The following MAGI2 variants were observed in gnomAD, a reference collection of about 807,000 sequenced individuals.
MAGI2 encodes membrane-associated guanylate kinase, WW and PDZ domain-containing protein 2.
In MAGI2, 35 loss-of-function variants were observed where a neutral mutation model predicts 133.3. The observed-to-expected ratio is 0.26, with a 90% CI of 0.20 to 0.35. The LOEUF (loss-of-function observed/expected upper bound fraction) is 0.35, where lower values mean the gene tolerates loss of function less well. MAGI2 is among the 10% of genes least tolerant of loss of function. MAGI2 has a pLI of 1.00. For synonymous variants in MAGI2, 729 were observed against 710.6 expected (o/e 1.03, Z -0.41); for missense variants, 1,636 against 1,863.4 (o/e 0.88, Z 2.25).
chr7:79,013,921 T>C (rs998770661), intron 1 of MAGI2, among the ~76,000 whole-genome samples: 5 of 152,204 alleles, frequency 3.3e-5, no homozygotes, highest in African/African-American at 4.8e-5. Context: ...TTTACTTACA[T>C]GACAATTTCT....
intron 7 of MAGI2, among the ~76,000 whole-genome samples, chr7:78,360,115 A>T (rs537211342): frequency 1.3e-5 from 2 of 152,310 alleles, no homozygotes; most frequent in East Asian, 3.9e-4. Flanking sequence ...TTCATTATTC[A>T]ATTATAGGAT....
chr7:78,728,846 TGAGCCACCGCGCCCGGCC>T, intron 2 of MAGI2, among the ~76,000 whole-genome samples: 1 of 124,486 alleles, frequency 8.0e-6, no homozygotes, highest in Non-Finnish European at 1.8e-5. Flanking sequence ...ATTACAGGCG[TGAGCCACCGCGCCCGGCC>T]CCATCTTTCT....
At chr7:79,292,813 G>T in intron 1 of MAGI2, among the ~76,000 whole-genome samples, 1 of 121,754 alleles carries the variant, frequency 8.2e-6, no homozygotes, top group South Asian at 2.7e-4. Context: ...CAGCTCCTCA[G>T]CTGTCATTTT....
At chr7:78,231,892 G>A (rs941045613) in intron 10 of MAGI2, among the ~76,000 whole-genome samples, 2 of 152,082 alleles carry the variant, frequency 1.3e-5, no homozygotes, top group African/African-American at 4.8e-5. Flanking sequence ...GTTCTTACAA[G>A]TATATTTTTA....
At chr7:79,301,168 T>C (rs1484439727) in intron 1 of MAGI2, among the ~76,000 whole-genome samples, 1 of 152,186 alleles carries the variant, frequency 6.6e-6, no homozygotes, top group Admixed American at 6.5e-5. Flanking sequence ...ACAGAGTTCC[T>C]ATTTAGGCAC....
At position 79,308,409 on chromosome 7, in the gene MAGI2, T is replaced by C. The variant is rs543429652; in HGVS notation, c.301+144611A>G. Among the ~76,000 whole-genome samples, 211 of 152,230 alleles carry C rather than the reference T, an allele frequency of 1.4e-3. 1 individual carries two copies. The highest frequency in any genetic ancestry group is 4.8e-3 in the African/African-American group (200 of 41,536). On this transcript the variant is annotated intron_variant, in intron 1 of 21. Coordinates refer to ENST00000354212, the MANE Select transcript of MAGI2 (RefSeq NM_012301.4). ...CCCAGGACAGTGCCCTCTGGTGCAA[T>C]CTTTGGCTATGGAAGCATGAGCGAG...
At chr7:78,326,742 CT>C (rs1220144902) in intron 9 of MAGI2, among the ~76,000 whole-genome samples, 1 of 152,172 alleles carries the variant, frequency 6.6e-6, no homozygotes, top group Non-Finnish European at 1.5e-5. Flanking sequence ...AGATTATTAA[CT>C]TTTAAGTAAC....
At chr7:79,215,807 C>G (rs1829982990) in intron 1 of MAGI2, among the ~76,000 whole-genome samples, 2 of 152,016 alleles carry the variant, frequency 1.3e-5, no homozygotes, top group Admixed American at 1.3e-4. Flanking sequence ...CCTCCTGTGG[C>G]TGTGTCACAG....
chr7:78,642,814 A>G (rs1353406834), intron 2 of MAGI2, among the ~76,000 whole-genome samples: 2 of 152,218 alleles, frequency 1.3e-5, no homozygotes, highest in African/African-American at 2.4e-5. Context: ...AACTTGCCCA[A>G]GTGGCAGCAC....
chr7:79,228,332 G>C (rs1371109762), intron 1 of MAGI2, among the ~76,000 whole-genome samples: 1 of 32,568 alleles, frequency 3.1e-5, no homozygotes, highest in Non-Finnish European at 7.9e-5. Context: ...GACAGAGCAA[G>C]ACCCTGTCTC....
chr7:78,741,373 T>G (rs1181748042), intron 2 of MAGI2, among the ~76,000 whole-genome samples: 5 of 93,736 alleles, frequency 5.3e-5, no homozygotes, highest in Non-Finnish European at 6.2e-5. Flanking sequence ...AGAAAAAAGT[T>G]GAAACACACA....
At chr7:78,275,059 C>T (rs947922383) in intron 9 of MAGI2, among the ~76,000 whole-genome samples, 1 of 152,044 alleles carries the variant, frequency 6.6e-6, no homozygotes, top group African/African-American at 2.4e-5. Context: ...GTGCTTGAAA[C>T]CCAGGGCCCT....
intron 1 of MAGI2, among the ~76,000 whole-genome samples, chr7:79,053,664 A>G (rs1248478750): frequency 6.6e-6 from 1 of 152,232 alleles, no homozygotes; most frequent in Admixed American, 6.5e-5. Context: ...TAATCATTCT[A>G]TAAAAATTTG....
chr7:79,139,781 T>G (rs2302441), intron 1 of MAGI2: 93,500 of 152,140 alleles, frequency 0.61, 34,561 homozygotes, highest in Non-Finnish European at 0.83. Flanking sequence ...CAATAACAGT[T>G]TAAACAAATG....
At chr7:78,757,164 C>T (rs1179080639) in intron 2 of MAGI2, among the ~76,000 whole-genome samples, 1 of 152,134 alleles carries the variant, frequency 6.6e-6, no homozygotes, top group Non-Finnish European at 1.5e-5. Context: ...TAAGTGCAAC[C>T]TTGTTCCTGT....
chr7:78,108,605 G>C (rs1440777152), intron 20 of MAGI2, among the ~76,000 whole-genome samples: 1 of 149,978 alleles, frequency 6.7e-6, no homozygotes, highest in South Asian at 2.1e-4. Flanking sequence ...TATTGGGGTC[G>C]GTCTCTCTCT....
At chr7:78,192,027 C>A (rs763978029) in intron 12 of MAGI2, among the ~76,000 whole-genome samples, 3 of 152,164 alleles carry the variant, frequency 2.0e-5, no homozygotes, top group African/African-American at 4.8e-5. Flanking sequence ...ACAGCTCAGG[C>A]TTGTGGGTGG....
chr7:78,652,158 G>GATTTT (rs1811645157), intron 2 of MAGI2, among the ~76,000 whole-genome samples: 1 of 152,158 alleles, frequency 6.6e-6, no homozygotes, highest in South Asian at 2.1e-4. Flanking sequence ...CAAGCAAATA[G>GATTTT]ACACTGAAGG....
chr7:79,413,209 G>A (rs1479306588), intron 1 of MAGI2: 1 of 152,118 alleles, frequency 6.6e-6, no homozygotes, highest in African/African-American at 2.4e-5. Flanking sequence ...CAGCTTAGAT[G>A]TTATATTGCA....
Sources: allele counts gnomAD v4.1 joint callset (sites outside exome capture counted in the v4.1 genomes callset), GRCh38; gene constraint gnomAD v4.1.1; transcripts MANE v1.5; gene names NCBI Gene and HGNC (gene_info 2026-07-23, HGNC 2026-07-21).